EPB41L4A: variants seen among roughly 807,000 people sequenced by gnomAD.
EPB41L4A encodes erythrocyte membrane protein band 4.1 like 4A, also known as band 4.1-like protein 4A.
In EPB41L4A, 100 loss-of-function variants were observed where a neutral mutation model predicts 108.6. That is an observed-to-expected ratio of 0.92 (90% confidence interval 0.78 to 1.09). The LOEUF (loss-of-function observed/expected upper bound fraction) is 1.09, where lower values mean the gene tolerates loss of function less well. Ranked by LOEUF, EPB41L4A falls within the 50% of genes least tolerant of loss-of-function variation. The pLI is 0.00. For synonymous variants in EPB41L4A, 319 were observed against 289.0 expected, an observed-to-expected ratio of 1.10 and a Z score of -1.05; for missense variants, 1,030 against 842.7, an observed-to-expected ratio of 1.22 and a Z score of -2.75.
intron 1 of EPB41L4A, among the ~76,000 whole-genome samples, chr5:112,327,844 T>G (rs1414765984): frequency 6.6e-6 from 1 of 152,172 alleles, no homozygotes; most frequent in Admixed American, 6.5e-5. Context: ...AGAACTGGAT[T>G]AGCAATGGGG....
intron 1 of EPB41L4A, among the ~76,000 whole-genome samples, chr5:112,416,976 A>G (rs1762753399): frequency 6.6e-6 from 1 of 152,252 alleles, no homozygotes; most frequent in Admixed American, 6.5e-5. Flanking sequence ...TCTGTGTTAC[A>G]CACATGGCCA....
intron 1 of EPB41L4A, among the ~76,000 whole-genome samples, chr5:112,388,186 C>CA (rs749388702): frequency 3.4e-4 from 51 of 152,150 alleles, no homozygotes; most frequent in Non-Finnish European, 4.4e-4. Context: ...CAATTTTTCA[C>CA]AAAAATACGC....
At chr5:112,338,214 C>A (rs1405711196) in intron 1 of EPB41L4A, among the ~76,000 whole-genome samples, 8 of 152,182 alleles carry the variant, frequency 5.3e-5, no homozygotes. Context: ...TCTTCTCACA[C>A]CCCTGAGTAT....
intron 1 of EPB41L4A, among the ~76,000 whole-genome samples, chr5:112,403,060 A>AT (rs1161964091): frequency 9.9e-5 from 15 of 152,032 alleles, no homozygotes; most frequent in Non-Finnish European, 1.5e-4. Flanking sequence ...AAAAACAAAG[A>AT]TTTTTAACCC....
chr5:112,380,836 C>A (rs1760131214), intron 1 of EPB41L4A, among the ~76,000 whole-genome samples: 1 of 149,292 alleles, frequency 6.7e-6, no homozygotes, highest in Admixed American at 6.7e-5. Flanking sequence ...CACAATTCAG[C>A]CAAGGGGAAA....
chr5:112,384,139 C>A (rs1406412925), intron 1 of EPB41L4A, among the ~76,000 whole-genome samples: 2 of 152,108 alleles, frequency 1.3e-5, no homozygotes, highest in Admixed American at 6.5e-5. Context: ...TACAAGGTTT[C>A]TTTTCAAGGT....
chr5:112,182,782 A>C (rs1014140390), intron 18 of EPB41L4A, among the ~76,000 whole-genome samples: 5 of 146,822 alleles, frequency 3.4e-5, no homozygotes, highest in African/African-American at 1.3e-4. Context: ...TTTCTTATCT[A>C]AACTTCCTTT....
intron 1 of EPB41L4A, among the ~76,000 whole-genome samples, chr5:112,325,836 A>G (rs1398643672): frequency 5.9e-5 from 9 of 152,256 alleles, no homozygotes; most frequent in Non-Finnish European, 1.2e-4. Context: ...CAGCTCTGGT[A>G]TTCTATGAAT....
intron 1 of EPB41L4A, among the ~76,000 whole-genome samples, chr5:112,330,458 G>A (rs554930202): frequency 1.4e-4 from 21 of 152,106 alleles, no homozygotes; most frequent in East Asian, 1.4e-3. Flanking sequence ...TGTACCTCTC[G>A]CATTGTCTTA....
intron 2 of EPB41L4A, among the ~76,000 whole-genome samples, chr5:112,302,633 C>T (rs56219213): frequency 6.6e-6 from 1 of 152,118 alleles, no homozygotes; most frequent in Admixed American, 6.5e-5. Flanking sequence ...GGGAGACTCA[C>T]TCAATGCCAC....
At chr5:112,312,644 T>C (rs1475628078) in intron 1 of EPB41L4A, among the ~76,000 whole-genome samples, 1 of 152,200 alleles carries the variant, frequency 6.6e-6, no homozygotes, top group African/African-American at 2.4e-5. Flanking sequence ...TTAGAGAGCA[T>C]GGATGCCAGA....
intron 10 of EPB41L4A, among the ~76,000 whole-genome samples, 178 bp downstream of exon 10, chr5:112,240,541 T>C (rs1749697483): frequency 6.6e-6 from 1 of 152,342 alleles, no homozygotes; most frequent in East Asian, 1.9e-4. Context: ...TGTATATATA[T>C]CTACACATAC....
chr5:112,309,827 T>A (rs1418284146), intron 1 of EPB41L4A, among the ~76,000 whole-genome samples: 1 of 152,172 alleles, frequency 6.6e-6, no homozygotes, highest in Admixed American at 6.5e-5. Context: ...GGTTCCACCC[T>A]TCCCTCTCAC....
At chr5:112,210,379 T>C (rs1762678579) in intron 12 of EPB41L4A, among the ~76,000 whole-genome samples, 1 of 151,980 alleles carries the variant, frequency 6.6e-6, no homozygotes, top group Admixed American at 6.6e-5. Context: ...ATCATGACAG[T>C]CCCCATTTGA....
chr5:112,354,028 C>G (rs1383040317), intron 1 of EPB41L4A, among the ~76,000 whole-genome samples: 1 of 152,142 alleles, frequency 6.6e-6, no homozygotes, highest in Non-Finnish European at 1.5e-5. Flanking sequence ...TAGTAAAGAG[C>G]ATGGACTCTG....
At position 112,195,685 on chromosome 5, in the gene EPB41L4A, T is replaced by G. The variant is rs1353491704; in HGVS notation, c.1400A>C (p.Asp467Ala). Reference sequence around the variant, plus strand: ...CCTCCTCCTTTGCTTAAGATCTGAATCTTCACCACTGTTATGGGCTTTCCT... The same window carrying G: ...CCTCCTCCTTTGCTTAAGATCTGAAGCTTCACCACTGTTATGGGCTTTCCT... ...RRRKAHNSGE[D>A]SDLKQRRRSR... is the part of the protein sequence containing the mutation. Residue 467 changes from aspartate (D) to alanine (A), a missense_variant, in exon 16 of 23, where the codon GAT (aspartate) becomes GCT (alanine). Asp to Ala is a moderately radical substitution (Grantham distance 126). Coordinates refer to ENST00000261486, the MANE Select transcript of EPB41L4A (RefSeq NM_022140.5). 2 of 1,613,818 alleles carry G rather than the reference T, an allele frequency of 1.2e-6. No individual in the cohort carries two copies. The highest frequency in any genetic ancestry group is 1.1e-5 in the South Asian group (1 of 91,070).
chr5:112,398,729 C>T (rs1173466102), intron 1 of EPB41L4A, among the ~76,000 whole-genome samples: 1 of 152,030 alleles, frequency 6.6e-6, no homozygotes, highest in Non-Finnish European at 1.5e-5. Flanking sequence ...GAGGTCCTCC[C>T]AGCCTGTCTT....
chr5:112,259,192 C>G (rs769607340), intron 9 of EPB41L4A, 37 bp downstream of exon 9: 13 of 1,471,884 alleles, frequency 8.8e-6, no homozygotes, highest in Non-Finnish European at 1.1e-5. Flanking sequence ...CACAAGACAC[C>G]CCTCTTCTAA....
chr5:112,312,489 C>G (rs1472860972), intron 1 of EPB41L4A, among the ~76,000 whole-genome samples: 2 of 152,108 alleles, frequency 1.3e-5, no homozygotes, highest in Non-Finnish European at 2.9e-5. Flanking sequence ...CTATAGCTTT[C>G]TGTATAGTGC....
Sources: allele counts gnomAD v4.1 joint callset (sites outside exome capture counted in the v4.1 genomes callset), GRCh38; gene constraint gnomAD v4.1.1; transcripts MANE v1.5; gene names NCBI Gene and HGNC (gene_info 2026-07-23, HGNC 2026-07-21).